Variants in SYBU observed in about 807,000 individuals in gnomAD.
SYBU encodes the protein GOLSYN A protein.
Under a neutral mutation model 35.9 loss-of-function variants are expected in SYBU, and 21 were observed. That is an observed-to-expected ratio of 0.58 (90% CI 0.41 to 0.84). The LOEUF (loss-of-function observed/expected upper bound fraction) is 0.84, where lower values mean the gene tolerates loss of function less well. SYBU is among the 40% of genes least tolerant of loss of function. The pLI is 0.00. For synonymous variants in SYBU, 319 were observed against 324.3 expected (o/e 0.98, Z 0.18); for missense variants, 768 against 848.2 (o/e 0.91, Z 1.17).
intron 1 of SYBU, among the ~76,000 whole-genome samples, chr8:109,650,604 G>A (rs1009656664): frequency 6.6e-6 from 1 of 152,280 alleles, no homozygotes; most frequent in South Asian, 2.1e-4. Flanking sequence ...GTGAACCACT[G>A]TCCTTTATAC....
At chr8:109,605,184 G>T (rs2130127771) in intron 3 of SYBU, among the ~76,000 whole-genome samples, 1 of 152,318 alleles carries the variant, frequency 6.6e-6, no homozygotes, top group South Asian at 2.1e-4. Flanking sequence ...CAGAGCATGT[G>T]CATGTGTGAC....
At chr8:109,585,787 G>C in intron 4 of SYBU, 1 of 457,226 alleles carries the variant, frequency 2.2e-6, no homozygotes, top group East Asian at 4.2e-5. Context: ...AGGTGAGTAA[G>C]GGAAAGAGAG....
At chr8:109,670,579 A>G (rs376716029) in intron 1 of SYBU, among the ~76,000 whole-genome samples, 21 of 152,084 alleles carry the variant, frequency 1.4e-4, no homozygotes, top group African/African-American at 4.1e-4. Context: ...TATTTTGATA[A>G]GGCTATTGTG....
intron 2 of SYBU, among the ~76,000 whole-genome samples, chr8:109,624,779 G>A (rs141950935): frequency 6.6e-6 from 1 of 151,394 alleles, no homozygotes; most frequent in East Asian, 1.9e-4. Context: ...TTAGAGATTG[G>A]CAAACTGCAG....
At chr8:109,649,506 C>T (rs752567620), upstream of SYBU, among the ~76,000 whole-genome samples, 4 of 152,044 alleles carry the variant, frequency 2.6e-5, no homozygotes, top group African/African-American at 4.8e-5. Flanking sequence ...TATCTCTGCC[C>T]GACAAACGAG....
chr8:109,654,030 C>T (rs1424303907), intron 1 of SYBU, among the ~76,000 whole-genome samples: 1 of 152,076 alleles, frequency 6.6e-6, no homozygotes, highest in African/African-American at 2.4e-5. Flanking sequence ...ACACACTAAG[C>T]ACTCAATGAA....
chr8:109,658,216 T>C (rs73321049), intron 1 of SYBU, among the ~76,000 whole-genome samples: 1 of 152,218 alleles, frequency 6.6e-6, no homozygotes, highest in Non-Finnish European at 1.5e-5. Flanking sequence ...GGCTCTGGAT[T>C]CTCACTTTTA....
chr8:109,637,914 T>C (rs1402756835), intron 2 of SYBU, among the ~76,000 whole-genome samples: 1 of 152,172 alleles, frequency 6.6e-6, no homozygotes, highest in Non-Finnish European at 1.5e-5. Context: ...CTACTGTAAA[T>C]AACAAAATAC....
At chr8:109,589,921 C>A (rs1182339191) in intron 3 of SYBU, among the ~76,000 whole-genome samples, 2 of 152,058 alleles carry the variant, frequency 1.3e-5, no homozygotes, top group Non-Finnish European at 2.9e-5. Context: ...ATTTAAGTAA[C>A]CCCAAGCCCT....
rs1006018193 is a variant in SYBU, at chr8:109,659,475, G to A, written c.-129+21236C>T. Among the ~76,000 whole-genome samples the A allele has an allele frequency of 2.6e-5, 4 of 152,094 alleles. No individual in the cohort carries two copies. The South Asian group carries it at 8.3e-4, about 32-fold the overall frequency. ...TTTTGTTGCATTTCACTGCCTAAAT[G>A]TTTATTTACATTGTTCATTTTTAAT... is the stretch of plus-strand genomic sequence containing the variant. On this transcript the variant is annotated intron_variant, in intron 1 of 5. Transcript: ENST00000408889.
intron 1 of SYBU, among the ~76,000 whole-genome samples, chr8:109,687,192 A>T (rs1419998796): frequency 2.0e-5 from 3 of 152,182 alleles, no homozygotes; most frequent in Non-Finnish European, 4.4e-5. Flanking sequence ...AAAAGTATAA[A>T]CTCACTACTT....
At chr8:109,669,127 G>A (rs1223745070) in intron 1 of SYBU, among the ~76,000 whole-genome samples, 2 of 151,972 alleles carry the variant, frequency 1.3e-5, no homozygotes, top group Non-Finnish European at 2.9e-5. Context: ...TGGATCACGA[G>A]GTCAGGAGAA....
intron 1 of SYBU, among the ~76,000 whole-genome samples, chr8:109,652,309 T>C (rs73321029): frequency 0.12 from 18,740 of 151,948 alleles, 3,255 homozygotes; most frequent in African/African-American, 0.39. Context: ...TTCCTTTCTC[T>C]TTATTGTTCC....
At chr8:109,580,570 C>T (rs1216229515) in intron 4 of SYBU, 1 of 153,526 alleles carries the variant, frequency 6.5e-6, no homozygotes, top group African/African-American at 2.4e-5. Context: ...CTTCTAGCCC[C>T]AGTGACTTAA....
chr8:109,672,270 G>A (rs1817012016), intron 1 of SYBU, among the ~76,000 whole-genome samples: 1 of 123,898 alleles, frequency 8.1e-6, no homozygotes, highest in African/African-American at 3.1e-5. Flanking sequence ...GCTCCGGTCT[G>A]CAGCTCCCAG....
At chr8:109,583,918 C>T (rs192454619) in intron 4 of SYBU, among the ~76,000 whole-genome samples, 1 of 152,254 alleles carries the variant, frequency 6.6e-6, no homozygotes, top group Admixed American at 6.5e-5. Context: ...AAGCAATTCT[C>T]CTGCCTCAAC....
chr8:109,612,318 T>C (rs1811263725), intron 3 of SYBU, among the ~76,000 whole-genome samples: 1 of 152,214 alleles, frequency 6.6e-6, no homozygotes, highest in South Asian at 2.1e-4. Context: ...AAGCCCACAG[T>C]TACATCTAAT....
intron 1 of SYBU, among the ~76,000 whole-genome samples, chr8:109,669,258 C>A (rs1816879978): frequency 7.1e-6 from 1 of 140,132 alleles, no homozygotes; most frequent in East Asian, 2.3e-4. Flanking sequence ...AGGAGAATGG[C>A]GTGAGCCCAG....
intron 3 of SYBU, among the ~76,000 whole-genome samples, chr8:109,613,809 C>T (rs958463162): frequency 6.6e-6 from 1 of 152,260 alleles, no homozygotes; most frequent in Non-Finnish European, 1.5e-5. Context: ...TGATTAACCA[C>T]TAACCTTGTT....
Sources: gnomAD v4.1 joint callset for allele counts (sites outside exome capture counted in the v4.1 genomes callset) on GRCh38, gnomAD v4.1.1 for gene constraint, MANE v1.5 for transcripts, NCBI Gene and HGNC (gene_info 2026-07-23, HGNC 2026-07-21) for gene names.